The following GALNTL5 variants were observed in gnomAD, a reference collection of about 807,000 sequenced individuals.
GALNTL5 encodes the protein polypeptide N-acetylgalactosaminyltransferase like 5, also known as inactive polypeptide N-acetylgalactosaminyltransferase-like protein 5.
In GALNTL5, 44 loss-of-function variants were observed where a neutral mutation model predicts 51.0. The ratio of observed to expected loss-of-function variants is 0.86; its 90% confidence interval spans 0.68 to 1.11. GALNTL5 has a LOEUF of 1.11. Among genes scored for constraint, GALNTL5 ranks in the 50% least tolerant of loss-of-function variants. The pLI is 0.00. For missense variants in GALNTL5, 528 were observed against 531.8 expected (o/e 0.99, Z 0.07); for synonymous variants, 192 against 182.8 (o/e 1.05, Z -0.41).
At chr7:151,981,111 A>G (rs1461754371) in intron 3 of GALNTL5, among the ~76,000 whole-genome samples, 2 of 152,100 alleles carry the variant, frequency 1.3e-5, no homozygotes, top group Non-Finnish European at 2.9e-5. Flanking sequence ...TGGGGCACCT[A>G]TGGCAAGCTG....
intron 5 of GALNTL5, among the ~76,000 whole-genome samples, chr7:151,992,966 G>C (rs1045348835): frequency 6.6e-6 from 1 of 152,066 alleles, no homozygotes; most frequent in Non-Finnish European, 1.5e-5. Context: ...GACTGGACAC[G>C]ATGGCTCATG....
intron 1 of GALNTL5, among the ~76,000 whole-genome samples, chr7:151,958,735 G>C (rs1347844078): frequency 2.6e-5 from 4 of 152,194 alleles, no homozygotes; most frequent in Admixed American, 1.3e-4. Flanking sequence ...AGCTCCTTTT[G>C]CACCCATCAT....
chr7:152,016,319 G>A (rs1330434439), intron 8 of GALNTL5, among the ~76,000 whole-genome samples: 3 of 151,720 alleles, frequency 2.0e-5, no homozygotes, highest in Admixed American at 6.6e-5. Context: ...GAGGAGAATC[G>A]CTTGAACCCA....
chr7:151,998,318 T>C (rs1490399732), intron 5 of GALNTL5, among the ~76,000 whole-genome samples: 1 of 138,542 alleles, frequency 7.2e-6, no homozygotes, highest in Non-Finnish European at 1.6e-5. Context: ...TTAAAACCAA[T>C]GGAAAAGGTG....
At chr7:151,982,723 A>G in intron 3 of GALNTL5, 3 of 553,396 alleles carry the variant, frequency 5.4e-6, no homozygotes, top group Non-Finnish European at 9.4e-6. Flanking sequence ...TTAAAATAGA[A>G]CTGAGATTAT....
At chr7:151,983,614 CT>C (rs1290410743) in intron 4 of GALNTL5, among the ~76,000 whole-genome samples, 2 of 152,158 alleles carry the variant, frequency 1.3e-5, no homozygotes, top group African/African-American at 4.8e-5. Flanking sequence ...GACCTGGGCC[CT>C]GTACTTGGGC....
chr7:151,971,702 A>G (rs2081145578), intron 3 of GALNTL5, among the ~76,000 whole-genome samples: 1 of 152,152 alleles, frequency 6.6e-6, no homozygotes. Context: ...CCAGGTGTCA[A>G]GGGAGGGACC....
At chr7:152,011,798 C>T (rs1317710020) in intron 7 of GALNTL5, among the ~76,000 whole-genome samples, 1 of 152,182 alleles carries the variant, frequency 6.6e-6, no homozygotes, top group East Asian at 1.9e-4. Flanking sequence ...TACCCTTGGC[C>T]CATCTGCTCA....
intron 5 of GALNTL5, among the ~76,000 whole-genome samples, chr7:151,989,993 G>A (rs200573913): frequency 6.6e-6 from 1 of 152,108 alleles, no homozygotes; most frequent in African/African-American, 2.4e-5. Flanking sequence ...CCTCAGGCTA[G>A]AGCCTATCTT....
chr7:152,009,668 A>T (rs1012616604), intron 7 of GALNTL5, among the ~76,000 whole-genome samples: 10 of 151,372 alleles, frequency 6.6e-5, no homozygotes, highest in African/African-American at 2.2e-4. Flanking sequence ...GTGTGAAAAA[A>T]CCTCTACTCT....
At chr7:151,979,727 G>A (rs879929108) in intron 3 of GALNTL5, among the ~76,000 whole-genome samples, 19 of 152,180 alleles carry the variant, frequency 1.2e-4, no homozygotes, top group African/African-American at 1.9e-4. Context: ...AAAGTGCTGG[G>A]ATTACAGGCA....
chr7:151,983,470 G>A (rs532343228), intron 4 of GALNTL5, among the ~76,000 whole-genome samples: 1 of 152,086 alleles, frequency 6.6e-6, no homozygotes, highest in Non-Finnish European at 1.5e-5. Context: ...GAGCCACGAC[G>A]CCTGACCATC....
At chr7:151,970,445 AG>A (rs372801591) in intron 2 of GALNTL5, among the ~76,000 whole-genome samples, 124 of 152,298 alleles carry the variant, frequency 8.1e-4, no homozygotes, top group African/African-American at 2.9e-3. Flanking sequence ...ACAATGTTGA[AG>A]GTGGAGCCTG....
At chr7:151,994,683 C>T (rs1170906338) in intron 5 of GALNTL5, among the ~76,000 whole-genome samples, 4 of 152,112 alleles carry the variant, frequency 2.6e-5, no homozygotes, top group African/African-American at 9.7e-5. Context: ...TCAAATGCCA[C>T]TTTATCACCA....
rs1433068724 is a variant in GALNTL5 at position 151,981,730 on chromosome 7, C to T, written c.369-1256C>T. Among the ~76,000 whole-genome samples, 7 of 138,592 alleles carry T rather than the reference C, an allele frequency of 5.1e-5. No homozygotes were observed. In the East Asian group the frequency reaches 1.7e-3, roughly 33 times the overall value. 90.9% of individuals were successfully genotyped at this position (138,592 alleles called of 152,430 possible). Reference sequence around the variant, plus strand: ...GTGGTATGGTCTTGGCTCACTACAACTTCTCTCTCCCAGGTTCAAAATATT... The same window carrying T: ...GTGGTATGGTCTTGGCTCACTACAATTTCTCTCTCCCAGGTTCAAAATATT... On this transcript the variant is annotated intron_variant, in intron 3 of 8. Coordinates refer to ENST00000392800, the MANE Select transcript of GALNTL5 (RefSeq NM_145292.4).
Position 151,971,061 on chromosome 7 carries a change from A to C in GALNTL5, c.364A>C (p.Lys122Gln). The C allele has an allele frequency of 1.2e-6, 2 of 1,607,648 alleles. No homozygotes were observed. Among genetic ancestry groups the C allele is most frequent in the South Asian group, 2.2e-5 (2 of 90,902 alleles). The change falls in exon 3 of 9, where the codon AAA (lysine) becomes CAA (glutamine). Residue 122 changes from lysine (K) to glutamine (Q), a missense_variant. Physicochemically the swap from Lys to Gln is moderately conservative, Grantham distance 53. Coordinates refer to ENST00000392800, the MANE Select transcript of GALNTL5 (RefSeq NM_145292.4). ...IEREVPDTRS[K>Q]MCLQKHYPAR... is the part of the protein sequence containing the mutation. ...AAGAGAAGTGCCAGATACCAGGAGT[A>C]AAATGTATGTTGTCTCTCTCTTTCT...
At chr7:152,004,022 T>C (rs1183455583) in intron 6 of GALNTL5, among the ~76,000 whole-genome samples, 1 of 152,206 alleles carries the variant, frequency 6.6e-6, no homozygotes, top group East Asian at 1.9e-4. Context: ...TCCTTATTCT[T>C]TGATGCAGTA....
In GALNTL5 at chr7:151,983,009, C is replaced by A. The variant is rs947600384; in HGVS notation, c.392C>A (p.Ala131Asp). 3 of 1,614,124 alleles carry A rather than the reference C, an allele frequency of 1.9e-6. No individual in the cohort carries two copies. Among genetic ancestry groups the A allele is most frequent in the Non-Finnish European group, 1.7e-6 (2 of 1,180,002 alleles). ...AGGTGTCTTCAAAAACATTACCCAG[C>A]CCGCCTCCCGACTGCCAGCATTGTC... ...SKMCLQKHYP[A>D]RLPTASIVIC... is the part of the protein sequence containing the mutation. The change falls in exon 4 of 9, where the codon GCC becomes GAC. Residue 131 changes from alanine to aspartate, a missense_variant. Coordinates refer to ENST00000392800, the MANE Select transcript of GALNTL5 (RefSeq NM_145292.4).
At position 152,010,930 on chromosome 7, in the gene GALNTL5, T is replaced by C. The variant is rs528175112; in HGVS notation, c.1026+2986T>C. On this transcript the variant is annotated intron_variant, in intron 7 of 8. Transcript: ENST00000392800. ...ATACATGTAAAGGATAAAATATATTTTATTTAACAAGTTCTTATATCTGAC... is the reference window on the plus strand; with the variant it reads ...ATACATGTAAAGGATAAAATATATTCTATTTAACAAGTTCTTATATCTGAC... 7.2e-5 allele frequency among the ~76,000 whole-genome samples: 11 copies of C among 152,250 alleles called. No individual in the cohort carries two copies. In the East Asian group the frequency reaches 9.7e-4, roughly 13 times the overall value.
Sources: gnomAD v4.1 joint callset for allele counts (sites outside exome capture counted in the v4.1 genomes callset) on GRCh38, gnomAD v4.1.1 for gene constraint, MANE v1.5 for transcripts, NCBI Gene and HGNC (gene_info 2026-07-23, HGNC 2026-07-21) for gene names.